Variants in GNB1L observed in about 807,000 individuals in gnomAD.
GNB1L encodes G protein subunit beta 1 like.
A neutral mutation model predicts 29.1 loss-of-function variants in GNB1L; 20 were observed. The observed-to-expected ratio is 0.69, with a 90% confidence interval of 0.48 to 1.00. GNB1L has a LOEUF of 1.00. GNB1L is among the 50% of genes least tolerant of loss of function. The pLI is 0.00. For missense variants in GNB1L, 421 were observed against 464.9 expected (o/e 0.91, Z 0.87); for synonymous variants, 193 against 206.5 (o/e 0.93, Z 0.56).
intron 2 of GNB1L, among the ~76,000 whole-genome samples, chr22:19,823,742 C>T (rs2090209765): frequency 6.6e-6 from 1 of 152,110 alleles, no homozygotes; most frequent in Non-Finnish European, 1.5e-5. Flanking sequence ...CACACAGACA[C>T]ATGCAAAACC....
intron 6 of GNB1L, among the ~76,000 whole-genome samples, chr22:19,804,306 C>T (rs1385711957): frequency 3.3e-5 from 5 of 152,238 alleles, no homozygotes; most frequent in Non-Finnish European, 4.4e-5. Flanking sequence ...CCTCATTCTG[C>T]ACCCCTCCCA....
In GNB1L at chr22:19,788,913, C is replaced by G. The variant is rs768760583; in HGVS notation, c.780G>C (p.Thr260=). The change falls in exon 8 of 8, where the codon ACG becomes ACC. Residue 260 remains threonine, a synonymous_variant. Coordinates refer to ENST00000329517, the MANE Select transcript of GNB1L (RefSeq NM_053004.3). ...ELTNPGIAEV[T]IRPDRKILAT... is the part of the protein sequence containing the mutation. ...CCAGGATCTTGCGATCTGGCCGGAT[C>G]GTGACCTCGGCGATCCCGGGATTGG... 3.1e-6 allele frequency: 5 copies of G among 1,611,816 alleles called. No homozygotes were observed. Among genetic ancestry groups the G allele is most frequent in the African/African-American group, 2.7e-5 (2 of 75,042 alleles).
Position 19,783,938 on chromosome 22 carries a change from G to A in GNB1L, c.*4771C>T, listed in dbSNP as rs968995051. ...CTCTCCACCCACAAGGCGGGAATGGGGATGCTGGCAAATCTGGTATGAAGG... is the reference window on the plus strand; with the variant it reads ...CTCTCCACCCACAAGGCGGGAATGGAGATGCTGGCAAATCTGGTATGAAGG... On this transcript the variant is annotated 3_prime_UTR_variant, in exon 8 of 8. Coordinates refer to ENST00000329517, the MANE Select transcript of GNB1L (RefSeq NM_053004.3). 6.6e-6 allele frequency: 1 copy of A among 152,426 alleles called. No individual in the cohort carries two copies. The highest frequency in any genetic ancestry group is 1.5e-5 in the Non-Finnish European group (1 of 68,204). 9.4% of individuals were successfully genotyped at this position (152,426 alleles called of 1,614,324 possible).
chr22:19,845,296 C>T (rs1937936769), intron 2 of GNB1L, among the ~76,000 whole-genome samples: 1 of 152,232 alleles, frequency 6.6e-6, no homozygotes, highest in East Asian at 1.9e-4. Context: ...GGCCAGCCTC[C>T]CACTCGCTCT....
chr22:19,820,514 T>C, intron 4 of GNB1L, 84 bp downstream of exon 4: 1 of 1,433,026 alleles, frequency 7.0e-7, no homozygotes, highest in Non-Finnish European at 9.6e-7. Context: ...ATTCTGCCCC[T>C]CAGTGGGGGA....
At chr22:19,790,810 G>C (rs9618691) in intron 7 of GNB1L, among the ~76,000 whole-genome samples, 2,883 of 152,330 alleles carry the variant, frequency 0.019, 80 homozygotes, top group African/African-American at 0.059. Context: ...TAGGTACAAG[G>C]AGGATGCCAA....
intron 6 of GNB1L, among the ~76,000 whole-genome samples, chr22:19,802,545 G>A (rs1437830980): frequency 6.6e-6 from 1 of 152,216 alleles, no homozygotes; most frequent in Non-Finnish European, 1.5e-5. Flanking sequence ...CCCACCCTGG[G>A]TTCTGCCCAA....
rs748340231 is a variant in GNB1L, at chr22:19,788,855, AC to A, written c.837del (p.Phe280SerfsTer73). On this transcript the variant is annotated frameshift_variant, in exon 8 of 8. Coordinates refer to ENST00000329517, the MANE Select transcript of GNB1L (RefSeq NM_053004.3). LOFTEE classifies it high-confidence loss of function. Reference protein sequence around the residue: ...ATAGWDHRIRVFHWRTMQPLA... With the variant: ...ATAGWDHRIRXFHWRTMQPLA... ...AGTGGCTGCATCGTCCGCCAGTGGA[AC>A]ACGCGGATGCGGTGGTCCCAGCCTG... 1.9e-6 allele frequency: 3 copies of A among 1,612,848 alleles called. No individual in the cohort carries two copies. The highest frequency in any genetic ancestry group is 2.2e-5 in the South Asian group (2 of 91,066).
intron 2 of GNB1L, among the ~76,000 whole-genome samples, chr22:19,839,344 A>G (rs796406742): frequency 9.8e-5 from 15 of 152,326 alleles, no homozygotes; most frequent in African/African-American, 3.6e-4. Context: ...ATCTAGGGAT[A>G]CTTTTCAAGA....
At chr22:19,848,064 C>A (rs1229073069) in intron 2 of GNB1L, 25 of 985,264 alleles carry the variant, frequency 2.5e-5, no homozygotes, top group South Asian at 4.7e-5. Context: ...CTGTCCACAT[C>A]TAAGTGCTTT....
rs891850189 is a variant in GNB1L at position 19,793,019 on chromosome 22, G to A, written c.733-4059C>T. On this transcript the variant is annotated intron_variant, in intron 7 of 7. Transcript: ENST00000329517. ...GCCGTCACTGGGGCGGCAACATCCT[G>A]GGTCCTAAGTCTGTGGCTCGTATCG... is the stretch of plus-strand genomic sequence containing the variant. 4.4e-6 allele frequency: 7 copies of A among 1,593,234 alleles called. No homozygotes were observed. The African/African-American group carries it at 8.0e-5, about 18-fold the overall frequency.
At chr22:19,806,038 T>G (rs1937430225) in intron 6 of GNB1L, among the ~76,000 whole-genome samples, 2 of 152,174 alleles carry the variant, frequency 1.3e-5, no homozygotes, top group Non-Finnish European at 2.9e-5. Context: ...GAAGCTGTGC[T>G]GCATGGAGGC....
intron 2 of GNB1L, chr22:19,849,846 A>G: frequency 1.0e-6 from 1 of 985,454 alleles, no homozygotes; most frequent in Non-Finnish European, 1.2e-6. Context: ...CAGAGTGGGC[A>G]CACACTGCAC....
At position 19,788,969 on chromosome 22, in the gene GNB1L, G is replaced by C; in HGVS notation, c.733-9C>G. 6.3e-7 allele frequency: 1 copy of C among 1,591,794 alleles called. No individual in the cohort carries two copies. Among genetic ancestry groups the C allele is most frequent in the Non-Finnish European group, 8.6e-7 (1 of 1,165,788 alleles). On this transcript the variant is annotated splice_polypyrimidine_tract_variant and intron_variant, in intron 7 of 7. Coordinates refer to ENST00000329517, the MANE Select transcript of GNB1L (RefSeq NM_053004.3). The stretch of plus-strand genomic sequence containing the variant: ...TCATGAGTCCCACGCACCTGTGAGA[G>C]TTGGGAGAGGTGTTAGGCCACTCCT...
intron 2 of GNB1L, among the ~76,000 whole-genome samples, 192 bp downstream of exon 2, chr22:19,854,248 CCCA>C (rs1938182215): frequency 6.6e-6 from 1 of 152,212 alleles, no homozygotes; most frequent in Non-Finnish European, 1.5e-5. Context: ...TGTGTTTGCC[CCCA>C]CAAGGCCAAA....
At chr22:19,846,862 T>A in intron 2 of GNB1L, 1 of 917,940 alleles carries the variant, frequency 1.1e-6, no homozygotes, top group Middle Eastern at 5.5e-4. Context: ...AGGAAATGTC[T>A]GTTGTTTAAG....
intron 5 of GNB1L, among the ~76,000 whole-genome samples, chr22:19,807,205 C>A (rs1937446675): frequency 6.6e-6 from 1 of 152,186 alleles, no homozygotes. Context: ...AACCTGGCTC[C>A]CCCACCTGGA....
intron 7 of GNB1L, chr22:19,793,076 T>G (rs1937270001): frequency 6.3e-7 from 1 of 1,587,068 alleles, no homozygotes; most frequent in African/African-American, 1.3e-5. Context: ...CTAAAGAACT[T>G]GCCACTAAAC....
chr22:19,848,571 C>G, intron 2 of GNB1L: 2 of 985,544 alleles, frequency 2.0e-6, no homozygotes, highest in South Asian at 4.7e-5. Context: ...GACATCACCA[C>G]TTCAAGGCCC....
Sources: allele counts gnomAD v4.1 joint callset (sites outside exome capture counted in the v4.1 genomes callset), GRCh38; gene constraint gnomAD v4.1.1; transcripts MANE v1.5; gene names NCBI Gene and HGNC (gene_info 2026-07-23, HGNC 2026-07-21).